PAK5: variants seen among roughly 807,000 people sequenced by gnomAD.
PAK5 encodes serine/threonine-protein kinase PAK 5.
In PAK5, 16 loss-of-function variants were observed where a neutral mutation model predicts 65.9. The observed-to-expected ratio is 0.24, with a 90% CI of 0.16 to 0.37. PAK5 has a LOEUF of 0.37. Among genes scored for constraint, PAK5 ranks in the 10% least tolerant of loss-of-function variants. PAK5 has a pLI of 1.00. For missense variants in PAK5, 785 were observed against 903.9 expected, an observed-to-expected ratio of 0.87 and a Z score of 1.69; for synonymous variants, 371 against 354.9, an observed-to-expected ratio of 1.05 and a Z score of -0.51.
chr20:9,759,699 C>G (rs943975112), intron 1 of PAK5, among the ~76,000 whole-genome samples: 1 of 152,132 alleles, frequency 6.6e-6, no homozygotes, highest in East Asian at 1.9e-4. Context: ...TGGTCCCATG[C>G]ATGGGGCTTT....
At chr20:9,546,602 C>CA (rs1568955287) in intron 7 of PAK5, among the ~76,000 whole-genome samples, 2 of 152,106 alleles carry the variant, frequency 1.3e-5, no homozygotes, top group Non-Finnish European at 2.9e-5. Flanking sequence ...GAAATTGAGG[C>CA]ATTACAGGAG....
chr20:9,681,426 A>C (rs188273513), intron 2 of PAK5, among the ~76,000 whole-genome samples: 21 of 152,282 alleles, frequency 1.4e-4, no homozygotes, highest in Admixed American at 1.3e-3. Context: ...CTTGCTTAAA[A>C]GATGTTTCCC....
intron 1 of PAK5, among the ~76,000 whole-genome samples, chr20:9,787,600 C>G (rs1484048039): frequency 6.7e-6 from 1 of 150,162 alleles, no homozygotes; most frequent in African/African-American, 2.5e-5. Context: ...GACGCTTACT[C>G]TGCATGGCTA....
At chr20:9,588,724 T>C (rs1193350518) in intron 3 of PAK5, among the ~76,000 whole-genome samples, 1 of 152,090 alleles carries the variant, frequency 6.6e-6, no homozygotes, top group Non-Finnish European at 1.5e-5. Context: ...TTTATAGAGA[T>C]CAATAATACA....
intron 4 of PAK5, among the ~76,000 whole-genome samples, chr20:9,573,984 A>C (rs1439734850): frequency 1.3e-5 from 2 of 152,208 alleles, no homozygotes; most frequent in East Asian, 3.9e-4. Flanking sequence ...GATAAAAGTG[A>C]ATCACAGTAC....
Position 9,739,050 on chromosome 20 carries a change from T to C in PAK5, c.-161-27615A>G, listed in dbSNP as rs181422082. ...TCCTCTACTGTATTTAATAAGTGAATGATAAATTTAAAAAGCACACAGGGA... is the reference window on the plus strand; with the variant it reads ...TCCTCTACTGTATTTAATAAGTGAACGATAAATTTAAAAAGCACACAGGGA... On this transcript the variant is annotated intron_variant, in intron 1 of 9. Transcript: ENST00000353224. 5.0e-4 allele frequency among the ~76,000 whole-genome samples: 76 copies of C among 152,228 alleles called. 1 individual carries two copies. The highest frequency in any genetic ancestry group is 3.4e-3 in the Middle Eastern group (1 of 294).
rs188912370 is a variant in PAK5, at chr20:9,820,487, A to T, written c.-162+18275T>A. On this transcript the variant is annotated intron_variant, in intron 1 of 9. Coordinates refer to ENST00000353224, the MANE Select transcript of PAK5 (RefSeq NM_177990.4). ...GCAATATGTAACCCATGGGGCTGCT[A>T]TTTGGATTAAAGGAGATGTAAGTCT... 1.6e-4 allele frequency among the ~76,000 whole-genome samples: 25 copies of T among 152,262 alleles called. No homozygotes were observed. The East Asian group carries it at 3.9e-3, about 24-fold the overall frequency.
At chr20:9,824,116 C>T (rs556469525) in intron 1 of PAK5, among the ~76,000 whole-genome samples, 1 of 152,172 alleles carries the variant, frequency 6.6e-6, no homozygotes, top group African/African-American at 2.4e-5. Context: ...TGAGGCACAT[C>T]TTTTCTTTCT....
At chr20:9,735,869 T>A (rs2048383042) in intron 1 of PAK5, among the ~76,000 whole-genome samples, 1 of 150,956 alleles carries the variant, frequency 6.6e-6, no homozygotes, top group South Asian at 2.1e-4. Flanking sequence ...CTACTAAAAA[T>A]ACAACTTTGA....
chr20:9,629,817 T>C (rs933179148), intron 3 of PAK5, among the ~76,000 whole-genome samples: 1 of 152,046 alleles, frequency 6.6e-6, no homozygotes, highest in Non-Finnish European at 1.5e-5. Flanking sequence ...TGTAACCAGG[T>C]GGGTGAAGGC....
chr20:9,540,928 G>A (rs1220129665), intron 9 of PAK5, among the ~76,000 whole-genome samples: 2 of 152,140 alleles, frequency 1.3e-5, no homozygotes, highest in Middle Eastern at 3.4e-3. Context: ...AGTGGAGATG[G>A]GGTTTCACCG....
At chr20:9,693,798 C>T (rs566421135) in intron 2 of PAK5, among the ~76,000 whole-genome samples, 1 of 152,222 alleles carries the variant, frequency 6.6e-6, no homozygotes, top group Non-Finnish European at 1.5e-5. Flanking sequence ...CACTCATAAA[C>T]ACTTTTGAAT....
intron 4 of PAK5, among the ~76,000 whole-genome samples, chr20:9,572,517 A>G (rs1030610693): frequency 6.6e-6 from 1 of 152,196 alleles, no homozygotes; most frequent in Non-Finnish European, 1.5e-5. Flanking sequence ...TACATTCTAG[A>G]AAAAAAATGA....
intron 1 of PAK5, among the ~76,000 whole-genome samples, chr20:9,730,864 G>A (rs1244058166): frequency 6.6e-6 from 1 of 152,174 alleles, no homozygotes; most frequent in Non-Finnish European, 1.5e-5. Context: ...AAAAATGACT[G>A]GGATTCACAT....
intron 1 of PAK5, among the ~76,000 whole-genome samples, chr20:9,723,421 T>A (rs2048240728): frequency 6.6e-6 from 1 of 152,156 alleles, no homozygotes; most frequent in Non-Finnish European, 1.5e-5. Context: ...ATGTGTTGGT[T>A]AGAAAAACCA....
In PAK5 at chr20:9,566,157, G is replaced by A. The variant is rs776204537; in HGVS notation, c.1218C>T (p.Leu406=). 6 of 1,613,886 alleles carry A rather than the reference G, an allele frequency of 3.7e-6. No individual in the cohort carries two copies. Among genetic ancestry groups the A allele is most frequent in the African/African-American group, 2.7e-5 (2 of 74,896 alleles). Residue 406 remains leucine (L), a synonymous_variant, in exon 5 of 10, where the codon CTC becomes CTT. Transcript: ENST00000353224. ...TGGGCGGCGGGTAGGTGCTGGATGA[G>A]AGGCTGAGGGAGCTCAGGTAGGAAG... ...STASYLSSLS[L]SSSTYPPPSW...
chr20:9,709,439 T>C (rs1005453551), intron 2 of PAK5, among the ~76,000 whole-genome samples: 5 of 152,156 alleles, frequency 3.3e-5, no homozygotes, highest in Admixed American at 6.6e-5. Flanking sequence ...ATGCTGTTTA[T>C]CAAAATTGTA....
At chr20:9,590,153 TAG>T (rs549044008) in intron 3 of PAK5, among the ~76,000 whole-genome samples, 227 of 151,990 alleles carry the variant, frequency 1.5e-3, no homozygotes, top group Non-Finnish European at 2.6e-3. Context: ...AAAAAAAATG[TAG>T]AGAGGAGGTC....
chr20:9,757,911 T>C (rs1165128677), intron 1 of PAK5, among the ~76,000 whole-genome samples: 1 of 152,202 alleles, frequency 6.6e-6, no homozygotes, highest in Non-Finnish European at 1.5e-5. Flanking sequence ...TACAGTGTTT[T>C]AGACGCCAAG....
Sources: allele counts gnomAD v4.1 joint callset (sites outside exome capture counted in the v4.1 genomes callset), GRCh38; gene constraint gnomAD v4.1.1; transcripts MANE v1.5; gene names NCBI Gene and HGNC (gene_info 2026-07-23, HGNC 2026-07-21).